WFS1: variants seen among roughly 807,000 people sequenced by gnomAD.
The protein encoded by WFS1 is wolframin ER transmembrane glycoprotein, also known as wolframin.
In WFS1, 90 loss-of-function variants were observed where a neutral mutation model predicts 68.5. The ratio of observed to expected loss-of-function variants is 1.31; its 90% CI spans 1.11 to 1.56. The LOEUF (loss-of-function observed/expected upper bound fraction) is 1.56. WFS1 is among the 40% of genes most tolerant of loss of function. WFS1 has a pLI of 0.00. For missense variants in WFS1, 1,767 were observed against 1,232.6 expected, an observed-to-expected ratio of 1.43 and a Z score of -6.49; for synonymous variants, 860 against 540.7, an observed-to-expected ratio of 1.59 and a Z score of -8.19.
chr4:6,273,208 T>G (rs1729888263), intron 1 of WFS1, among the ~76,000 whole-genome samples: 1 of 152,242 alleles, frequency 6.6e-6, no homozygotes, highest in African/African-American at 2.4e-5. Flanking sequence ...GTCATTCTGC[T>G]GCGGGTCTGA....
At chr4:6,273,596 C>CGT in intron 1 of WFS1, among the ~76,000 whole-genome samples, 1 of 152,312 alleles carries the variant, frequency 6.6e-6, no homozygotes, top group East Asian at 1.9e-4. Context: ...AAGTGCTTAA[C>CGT]GTATTCCTGG....
At position 6,301,821 on chromosome 4, in the gene WFS1, C is replaced by A. The variant is rs201623184; in HGVS notation, c.2026C>A (p.Arg676Ser). Residue 676 changes from arginine to serine, a missense_variant, in exon 8 of 8, where the codon CGC becomes AGC. Coordinates refer to ENST00000226760, the MANE Select transcript of WFS1 (RefSeq NM_006005.3). ...WQQYGALCGP[R>S]AWKETNMART... Reference sequence around the variant, plus strand: ...GCAGTATGGTGCGCTGTGCGGGCCACGCGCCTGGAAGGAGACCAACATGGC... The same window carrying A: ...GCAGTATGGTGCGCTGTGCGGGCCAAGCGCCTGGAAGGAGACCAACATGGC... The A allele has an allele frequency of 3.3e-5, 53 of 1,613,112 alleles. No individual in the cohort carries two copies. The highest frequency in any genetic ancestry group is 3.8e-5 in the Non-Finnish European group (45 of 1,179,994).
chr4:6,284,035 C>T lies in WFS1; in HGVS notation c.233-3058C>T, dbSNP rs189494419. Among the ~76,000 whole-genome samples, 414 of 152,042 alleles carry T rather than the reference C, an allele frequency of 2.7e-3. 6 individuals carry two copies. Among genetic ancestry groups the T allele is most frequent in the Admixed American group, 0.025 (376 of 15,282 alleles). On this transcript the variant is annotated intron_variant, in intron 2 of 7. Transcript: ENST00000226760. ...GTCTGCAGGACGAGCCCACCACTGCCATATGGAAGCTGGAATAATGAAGAG... is the reference window on the plus strand; with the variant it reads ...GTCTGCAGGACGAGCCCACCACTGCTATATGGAAGCTGGAATAATGAAGAG...
At chr4:6,298,009 A>G (rs546421908) in intron 7 of WFS1, among the ~76,000 whole-genome samples, 21 of 152,324 alleles carry the variant, frequency 1.4e-4, no homozygotes, top group African/African-American at 4.6e-4. Context: ...GGCCCTCTCA[A>G]CCAGGTGGTT....
intron 2 of WFS1, among the ~76,000 whole-genome samples, chr4:6,281,092 TG>T (rs1350084832): frequency 1.3e-5 from 2 of 151,866 alleles, no homozygotes; most frequent in African/African-American, 4.8e-5. Flanking sequence ...TCCCAGCCAT[TG>T]GGGGTAGGGG....
At position 6,289,027 on chromosome 4, in the gene WFS1, A is replaced by G; in HGVS notation, c.356A>G (p.Glu119Gly). The G allele has an allele frequency of 6.2e-7, 1 of 1,607,868 alleles. No homozygotes were observed. The highest frequency in any genetic ancestry group is 8.5e-7 in the Non-Finnish European group (1 of 1,177,576). ...CTGCAGTTGGCCGGCGACACGGATG[A>G]AGAACTCAACAGCTGCACCGCTGTG... is the stretch of plus-strand genomic sequence containing the variant. ...HYLQLAGDTDEELNSCTAVDW... is the reference protein window; with the variant it reads ...HYLQLAGDTDGELNSCTAVDW... The change falls in exon 4 of 8, where the codon GAA becomes GGA. Residue 119 changes from glutamate (E) to glycine (G), a missense_variant. By Grantham distance (98) the Glu-to-Gly change is moderately conservative. Coordinates refer to ENST00000226760, the MANE Select transcript of WFS1 (RefSeq NM_006005.3).
At chr4:6,273,263 A>C (rs1361850325) in intron 1 of WFS1, among the ~76,000 whole-genome samples, 1 of 152,262 alleles carries the variant, frequency 6.6e-6, no homozygotes, top group African/African-American at 2.4e-5. Flanking sequence ...GCGGCCTCTC[A>C]GCTGAACTCC....
In WFS1 at chr4:6,299,137, T is replaced by G. The variant is rs967738087; in HGVS notation, c.862-1520T>G. Among the ~76,000 whole-genome samples the G allele has an allele frequency of 7.2e-5, 11 of 152,200 alleles. No individual in the cohort carries two copies. The East Asian group carries it at 1.2e-3, about 16-fold the overall frequency. On this transcript the variant is annotated intron_variant, in intron 7 of 7. Transcript: ENST00000226760. ...CCACTTTGTCCCCCATCCCCTCCAG[T>G]CCCTCTGCCTGGCTGCCCTGTGTTC...
At chr4:6,284,940 C>T (rs756944090) in intron 2 of WFS1, among the ~76,000 whole-genome samples, 1 of 151,112 alleles carries the variant, frequency 6.6e-6, no homozygotes, top group Non-Finnish European at 1.5e-5. Context: ...GAGTCTGCTG[C>T]TGAGCCCGCA....
rs1179145179 is a variant in WFS1, at chr4:6,301,434, A to C, written c.1639A>C (p.Ile547Leu). ...CATGTGGTGTGAGCTCTCCGTGGTC[A>C]TCCTGCTGGAGTCCACCGGCCTGGG... ...CFMWCELSVV[I>L]LLESTGLGLL... The change falls in exon 8 of 8, where the codon ATC (isoleucine) becomes CTC (leucine). Residue 547 changes from isoleucine to leucine, a missense_variant. Ile to Leu is a conservative substitution (Grantham distance 5, BLOSUM62 2). Transcript: ENST00000226760. 6.2e-7 allele frequency: 1 copy of C among 1,612,486 alleles called. No individual in the cohort carries two copies. The highest frequency in any genetic ancestry group is 8.5e-7 in the Non-Finnish European group (1 of 1,180,026).
intron 6 of WFS1, among the ~76,000 whole-genome samples, chr4:6,293,061 C>G (rs879499715): frequency 2.6e-5 from 4 of 152,170 alleles, no homozygotes; most frequent in Non-Finnish European, 5.9e-5. Context: ...TCTAGGAAGC[C>G]CGAGGACCAG....
rs146114074 is a variant in WFS1 at position 6,300,712 on chromosome 4, T to C, written c.917T>C (p.Met306Thr). The change falls in exon 8 of 8, where the codon ATG (methionine) becomes ACG (threonine). Residue 306 changes from methionine (M) to threonine (T), a missense_variant. Physicochemically the swap from Met to Thr is moderately conservative, Grantham distance 81. Transcript: ENST00000226760. ...IMEIKEYLID[M>T]ASRAGMHWLS... ...GAGATCAAGGAGTACCTGATTGACA[T>C]GGCCTCCAGGGCAGGCATGCACTGG... is the stretch of plus-strand genomic sequence containing the variant. 1,102 of 1,614,058 alleles carry C rather than the reference T, an allele frequency of 6.8e-4. 9 individuals carry two copies. In the African/African-American group the frequency reaches 0.013, roughly 19 times the overall value.
At chr4:6,273,086 A>G (rs60891840) in intron 1 of WFS1, among the ~76,000 whole-genome samples, 2,536 of 152,328 alleles carry the variant, frequency 0.017, 75 homozygotes, top group African/African-American at 0.056. Context: ...GGCTTCCCAC[A>G]GGGGCTGTTT....
chr4:6,292,105 C>A, intron 6 of WFS1, 108 bp downstream of exon 6: 1 of 1,191,874 alleles, frequency 8.4e-7, no homozygotes, highest in Non-Finnish European at 1.2e-6. Flanking sequence ...CTCACCCGTG[C>A]CTCCCAGCCT....
At chr4:6,293,525 G>GT (rs1730528509) in intron 6 of WFS1, among the ~76,000 whole-genome samples, 1 of 56,164 alleles carries the variant, frequency 1.8e-5, no homozygotes, top group South Asian at 7.9e-4. Context: ...TAGGCCATCA[G>GT]TGACCCCCCT....
At position 6,300,959 on chromosome 4, in the gene WFS1, G is replaced by C; in HGVS notation, c.1164G>C (p.Leu388=). 2 of 1,614,012 alleles carry C rather than the reference G, an allele frequency of 1.2e-6. No homozygotes were observed. Among genetic ancestry groups the C allele is most frequent in the Non-Finnish European group, 1.7e-6 (2 of 1,180,016 alleles). The change falls in exon 8 of 8, where the codon CTG becomes CTC. Residue 388 remains leucine (L), a synonymous_variant. Coordinates refer to ENST00000226760, the MANE Select transcript of WFS1 (RefSeq NM_006005.3). ...TGCTGCTGCGCTTCGAGCCCAACCT[G>C]GATGTGGAGCAGGCCGAGGTCAACT... ...TDLLLRFEPN[L]DVEQAEVNFG...
rs965719250 is a variant in WFS1, at chr4:6,288,994, A to G, written c.323A>G (p.Lys108Arg). The part of the protein sequence containing the change: ...GDPKAQTEVG[K>R]HYLQLAGDTD... ...CTGGTGTCTGGCTTGCAGGTGGGGA[A>G]GCACTACCTGCAGTTGGCCGGCGAC... The change falls in exon 4 of 8, where the codon AAG becomes AGG. Residue 108 changes from lysine to arginine, a missense_variant. Transcript: ENST00000226760. 4.4e-6 allele frequency: 7 copies of G among 1,608,870 alleles called. No homozygotes were observed. The highest frequency in any genetic ancestry group is 4.5e-5 in the East Asian group (2 of 44,740).
At position 6,300,827 on chromosome 4, in the gene WFS1, CA is replaced by C; in HGVS notation, c.1033del (p.Ile345SerfsTer14). 6.2e-7 allele frequency: 1 copy of C among 1,614,102 alleles called. No homozygotes were observed. On this transcript the variant is annotated frameshift_variant, in exon 8 of 8. Coordinates refer to ENST00000226760, the MANE Select transcript of WFS1 (RefSeq NM_006005.3). LOFTEE classifies it high-confidence loss of function. ...NLTIDFFAFF[I>X]PLVIFYLSFI... is the part of the protein sequence containing the mutation. Reference sequence around the variant, plus strand: ...TCACCATCGACTTCTTCGCCTTCTTCATCCCGCTGGTCATCTTCTACCTGTC... The same window carrying C: ...TCACCATCGACTTCTTCGCCTTCTTCTCCCGCTGGTCATCTTCTACCTGTC...
intron 4 of WFS1, among the ~76,000 whole-genome samples, chr4:6,290,679 G>T (rs1730435153): frequency 6.6e-6 from 1 of 152,224 alleles, no homozygotes; most frequent in African/African-American, 2.4e-5. Context: ...GAAGGCAGCT[G>T]CTGACCAGCG....
Sources: allele counts gnomAD v4.1 joint callset (sites outside exome capture counted in the v4.1 genomes callset), GRCh38; gene constraint gnomAD v4.1.1; transcripts MANE v1.5; gene names NCBI Gene and HGNC (gene_info 2026-07-23, HGNC 2026-07-21).